The following FAM204A variants were observed in gnomAD, a reference collection of about 807,000 sequenced individuals.
FAM204A encodes protein FAM204A.
FAM204A carries 16 observed loss-of-function variants against 35.4 expected under a neutral mutation model. The ratio of observed to expected loss-of-function variants is 0.45; its 90% CI spans 0.31 to 0.69. The LOEUF (loss-of-function observed/expected upper bound fraction) is 0.69. Among genes scored for constraint, FAM204A ranks in the 30% least tolerant of loss-of-function variants. The pLI, the probability that FAM204A is intolerant of heterozygous loss-of-function variation, is 0.07. For synonymous variants in FAM204A, 76 were observed against 86.9 expected, an observed-to-expected ratio of 0.88 and a Z score of 0.70; for missense variants, 240 against 265.7, an observed-to-expected ratio of 0.90 and a Z score of 0.67.
In FAM204A at chr10:118,299,774, A is replaced by C. The variant is rs749318906; in HGVS notation, c.*11083T>G. The C allele has an allele frequency of 6.6e-6, 1 of 152,234 alleles. No individual in the cohort carries two copies. The highest frequency in any genetic ancestry group is 2.1e-4 in the South Asian group (1 of 4,832). 9.4% of individuals were successfully genotyped at this position (152,234 alleles called of 1,614,324 possible). ...TCTCACAACTAGAGAATGGAAGAGA[A>C]GAGAAATATGGTTACAAAAAGTACA... On this transcript the variant is annotated 3_prime_UTR_variant, in exon 9 of 9. Coordinates refer to ENST00000369183, the MANE Select transcript of FAM204A (RefSeq NM_022063.3).
chr10:118,336,158 A>G, intron 3 of FAM204A, 24 bp downstream of exon 3: 1 of 1,605,950 alleles, frequency 6.2e-7, no homozygotes. Flanking sequence ...AGGCTGTAGC[A>G]AGAGCATTTC....
chr10:118,317,238 C>T (rs539098379), intron 7 of FAM204A, among the ~76,000 whole-genome samples: 23 of 152,140 alleles, frequency 1.5e-4, no homozygotes, highest in Non-Finnish European at 2.9e-4. Context: ...CAACTACCAC[C>T]AATTAAGAGC....
At position 118,326,247 on chromosome 10, in the gene FAM204A, G is replaced by GA. The variant is rs762037366; in HGVS notation, c.454-5dup. On this transcript the variant is annotated splice_polypyrimidine_tract_variant and splice_region_variant and intron_variant, in intron 6 of 8. Coordinates refer to ENST00000369183, the MANE Select transcript of FAM204A (RefSeq NM_022063.3). ...CTATCCTCTTTTCAAGGCCTGACTA[G>GA]AAAAAAAAGAAACCTAAAATTAAGG... 1.5e-5 allele frequency: 24 copies of GA among 1,605,716 alleles called. No individual in the cohort carries two copies. Among genetic ancestry groups the GA allele is most frequent in the Non-Finnish European group, 1.8e-5 (21 of 1,176,422 alleles).
intron 2 of FAM204A, chr10:118,337,315 G>A (rs557964261): frequency 4.9e-5 from 37 of 757,856 alleles, no homozygotes; most frequent in South Asian, 6.0e-5. Flanking sequence ...TAGAGAAGCC[G>A]GTTGTACTGC....
intron 6 of FAM204A, among the ~76,000 whole-genome samples, chr10:118,329,854 C>G (rs1206166840): frequency 2.0e-5 from 3 of 152,170 alleles, no homozygotes; most frequent in African/African-American, 4.8e-5. Flanking sequence ...CCCACTCAAA[C>G]TGGGAACATT....
chr10:118,321,636 A>G (rs1564758300), intron 7 of FAM204A, among the ~76,000 whole-genome samples: 1 of 149,720 alleles, frequency 6.7e-6, no homozygotes, highest in Non-Finnish European at 1.5e-5. Flanking sequence ...ATTTGTCAAA[A>G]AGTGTGACAG....
Position 118,304,560 on chromosome 10 carries a change from C to G in FAM204A, c.*6297G>C, listed in dbSNP as rs1489644652. On this transcript the variant is annotated 3_prime_UTR_variant, in exon 9 of 9. Coordinates refer to ENST00000369183, the MANE Select transcript of FAM204A (RefSeq NM_022063.3). ...CCCTGTTCTCATTCTCTCCCCTGGCCCCTGCTAAAGTCCTTGCTGTACCTC... is the reference window on the plus strand; with the variant it reads ...CCCTGTTCTCATTCTCTCCCCTGGCGCCTGCTAAAGTCCTTGCTGTACCTC... The G allele has an allele frequency of 6.6e-6, 1 of 152,452 alleles. No individual in the cohort carries two copies. The highest frequency in any genetic ancestry group is 1.5e-5 in the Non-Finnish European group (1 of 68,200). 9.4% of individuals were successfully genotyped at this position (152,452 alleles called of 1,614,324 possible).
chr10:118,341,166 CCAAAAGATATATTTGAG>C (rs1358308038), intron 2 of FAM204A, among the ~76,000 whole-genome samples: 6 of 152,004 alleles, frequency 3.9e-5, no homozygotes, highest in African/African-American at 1.5e-4. Context: ...TAATCAAAAC[CCAAAAGATATATTTGAG>C]CAGCTCGATG....
At chr10:118,338,848 G>A (rs933214794) in intron 2 of FAM204A, among the ~76,000 whole-genome samples, 4 of 152,130 alleles carry the variant, frequency 2.6e-5, no homozygotes, top group African/African-American at 4.8e-5. Context: ...CAGTTGCCCC[G>A]AAGAAGGCAT....
rs1845855227 is a variant in FAM204A at position 118,305,636 on chromosome 10, C to A, written c.*5221G>T. ...TATATGTAGATTATGTCTTTGTATTCAGCAAAGAAAAACTCACTGATTTTC... is the reference window on the plus strand; with the variant it reads ...TATATGTAGATTATGTCTTTGTATTAAGCAAAGAAAAACTCACTGATTTTC... On this transcript the variant is annotated 3_prime_UTR_variant, in exon 9 of 9. Transcript: ENST00000369183. The A allele has an allele frequency of 6.6e-6, 1 of 152,184 alleles. No individual in the cohort carries two copies. The highest frequency in any genetic ancestry group is 2.1e-4 in the South Asian group (1 of 4,834). 9.4% of individuals were successfully genotyped at this position (152,184 alleles called of 1,614,324 possible).
At chr10:118,336,490 G>T in intron 2 of FAM204A, 67 bp from the exon 3 acceptor site, 1 of 1,371,362 alleles carries the variant, frequency 7.3e-7, no homozygotes. Context: ...ACCATTAGAA[G>T]ACATTCCAGG....
In FAM204A at chr10:118,326,146, T is replaced by TG; in HGVS notation, c.543+7dup. On this transcript the variant is annotated splice_region_variant and intron_variant, in intron 7 of 8. Transcript: ENST00000369183. ...AAATACAGAAAATGTGTAACCCTTTTGACTCACCTCTCGAGTAGCTAGCTG... is the reference window on the plus strand; with the variant it reads ...AAATACAGAAAATGTGTAACCCTTTTGGACTCACCTCTCGAGTAGCTAGCTG... 6.2e-7 allele frequency: 1 copy of TG among 1,609,960 alleles called. No individual in the cohort carries two copies. The highest frequency in any genetic ancestry group is 8.5e-7 in the Non-Finnish European group (1 of 1,177,444).
chr10:118,320,042 T>C (rs186109493), intron 7 of FAM204A, among the ~76,000 whole-genome samples: 13 of 152,076 alleles, frequency 8.5e-5, no homozygotes, highest in African/African-American at 3.1e-4. Flanking sequence ...GCAATAGGTA[T>C]GATGCTTTGG....
In FAM204A at chr10:118,314,555, G is replaced by A. The variant is rs191431661; in HGVS notation, c.544-3242C>T. 8.5e-5 allele frequency among the ~76,000 whole-genome samples: 13 copies of A among 152,228 alleles called. 1 individual carries two copies. The highest frequency in any genetic ancestry group is 2.6e-4 in the African/African-American group (11 of 41,532). On this transcript the variant is annotated intron_variant, in intron 7 of 8. Transcript: ENST00000369183. ...GGGTTCCAGAATATAAAAGAATATCGTGCTGTGCTGCAGTATTACAAACAA... is the reference window on the plus strand; with the variant it reads ...GGGTTCCAGAATATAAAAGAATATCATGCTGTGCTGCAGTATTACAAACAA...
intron 6 of FAM204A, among the ~76,000 whole-genome samples, chr10:118,330,849 T>C (rs937447044): frequency 5.9e-5 from 9 of 152,226 alleles, no homozygotes; most frequent in South Asian, 4.1e-4. Flanking sequence ...CCTCCACTTA[T>C]GAACTAAGCA....
chr10:118,332,663 CA>C (rs1260281344), intron 6 of FAM204A, among the ~76,000 whole-genome samples: 2 of 151,418 alleles, frequency 1.3e-5, no homozygotes, highest in Non-Finnish European at 2.9e-5. Context: ...AACAAACAAA[CA>C]AACAAACAAA....
rs1486254886 is a variant in FAM204A, at chr10:118,300,013, A to C, written c.*10844T>G. Reference sequence around the variant, plus strand: ...TTGATTATAGAGGAACAAAGTAGCAACTGTATTGAGGACCGTCCATGACAG... The same window carrying C: ...TTGATTATAGAGGAACAAAGTAGCACCTGTATTGAGGACCGTCCATGACAG... On this transcript the variant is annotated 3_prime_UTR_variant, in exon 9 of 9. Transcript: ENST00000369183. 6.6e-6 allele frequency: 1 copy of C among 152,182 alleles called. No homozygotes were observed. Among genetic ancestry groups the C allele is most frequent in the African/African-American group, 2.4e-5 (1 of 41,446 alleles). The allele number at this position is 152,182 out of a possible 1,614,324, so 9.4% of individuals were successfully genotyped here.
At chr10:118,321,935 G>A (rs1250479438) in intron 7 of FAM204A, among the ~76,000 whole-genome samples, 2 of 151,988 alleles carry the variant, frequency 1.3e-5, no homozygotes, top group Admixed American at 1.3e-4. Flanking sequence ...CCTACACCAG[G>A]CCAGTGCATC....
intron 6 of FAM204A, among the ~76,000 whole-genome samples, chr10:118,327,064 T>C (rs187326775): frequency 2.0e-5 from 3 of 152,304 alleles, no homozygotes; most frequent in African/African-American, 7.2e-5. Flanking sequence ...TTGCTACAGA[T>C]AATAAAAAAT....
Sources: gnomAD v4.1 joint callset for allele counts (sites outside exome capture counted in the v4.1 genomes callset) on GRCh38, gnomAD v4.1.1 for gene constraint, MANE v1.5 for transcripts, NCBI Gene and HGNC (gene_info 2026-07-23, HGNC 2026-07-21) for gene names.